MAPT: variants seen among roughly 807,000 people sequenced by gnomAD.
The protein encoded by MAPT is microtubule associated protein tau.
MAPT carries 34 observed loss-of-function variants against 67.9 expected under a neutral mutation model. The ratio of observed to expected loss-of-function variants is 0.50; its 90% confidence interval spans 0.38 to 0.67. The LOEUF (loss-of-function observed/expected upper bound fraction) is 0.67. Ranked by LOEUF, MAPT falls within the 30% of genes least tolerant of loss-of-function variation. The pLI is 0.00. For missense variants in MAPT, 881 were observed against 1,115.2 expected (o/e 0.79, Z 2.99); for synonymous variants, 456 against 464.5 (o/e 0.98, Z 0.23).
At chr17:45,956,591 TATATATATA>T (rs1568231080) in intron 1 of MAPT, among the ~76,000 whole-genome samples, 3 of 25,216 alleles carry the variant, frequency 1.2e-4, no homozygotes, top group African/African-American at 3.7e-4. Flanking sequence ...TATATATATA[TATATATATA>T]TTTTTTATTA....
At chr17:45,933,245 C>CCTTTT (rs373615340) in intron 1 of MAPT, among the ~76,000 whole-genome samples, 2 of 139,210 alleles carry the variant, frequency 1.4e-5, no homozygotes, top group Non-Finnish European at 3.1e-5. Flanking sequence ...CTCTCTCTCC[C>CCTTTT]TTTTTTTTTT....
At chr17:46,021,313 G>A (rs1423897976) in intron 12 of MAPT, among the ~76,000 whole-genome samples, 1 of 152,220 alleles carries the variant, frequency 6.6e-6, no homozygotes, top group Admixed American at 6.5e-5. Context: ...CCAGGAGGCT[G>A]TCCGCCTCAA....
rs545438311 is a variant in MAPT, at chr17:45,902,356, C to G, written c.-18+7670C>G. Among the ~76,000 whole-genome samples, 15 of 152,154 alleles carry G rather than the reference C, an allele frequency of 9.9e-5. No individual in the cohort carries two copies. In the South Asian group the frequency reaches 3.1e-3, roughly 32 times the overall value. ...AAGTGCTGGGATTACAGGTGTGAGC[C>G]ACCGCGCCCGGCCAGCTTGCACCTT... On this transcript the variant is annotated intron_variant, in intron 1 of 12. Transcript: ENST00000262410.
chr17:45,988,232 G>A lies in MAPT; in HGVS notation c.1407+1137G>A, dbSNP rs1377629606. Among the ~76,000 whole-genome samples, 3 of 152,198 alleles carry A rather than the reference G, an allele frequency of 2.0e-5. No homozygotes were observed. In the East Asian group the frequency reaches 5.8e-4, roughly 29 times the overall value. ...CTTACCAAGCCTGACCACACAGAGGGCCTTGGCCGCTTCCATGGGGAATTG... is the reference window on the plus strand; with the variant it reads ...CTTACCAAGCCTGACCACACAGAGGACCTTGGCCGCTTCCATGGGGAATTG... On this transcript the variant is annotated intron_variant, in intron 6 of 12. Coordinates refer to ENST00000262410, the MANE Select transcript of MAPT (RefSeq NM_001377265.1).
At position 45,962,454 on chromosome 17, in the gene MAPT, G is replaced by A. The variant is rs63750529; in HGVS notation, c.117G>A (p.Thr39=). ...YTMHQDQEGD[T]DAGLKESPLQ... ...TGCACCAAGACCAAGAGGGTGACAC[G>A]GACGCTGGCCTGAAAGGTTAGTGGA... Residue 39 remains threonine (T), a synonymous_variant, in exon 2 of 13, where the codon ACG becomes ACA. Coordinates refer to ENST00000262410, the MANE Select transcript of MAPT (RefSeq NM_001377265.1). 9.3e-4 allele frequency: 1,498 copies of A among 1,612,716 alleles called. 11 individuals carry two copies. Among genetic ancestry groups the A allele is most frequent in the South Asian group, 3.7e-4 (34 of 90,940 alleles).
At chr17:45,918,968 GGA>G (rs2065437461) in intron 1 of MAPT, among the ~76,000 whole-genome samples, 1 of 151,786 alleles carries the variant, frequency 6.6e-6, no homozygotes, top group Non-Finnish European at 1.5e-5. Context: ...AGGCTGAGGT[GGA>G]AGAATTGCTT....
intron 1 of MAPT, among the ~76,000 whole-genome samples, chr17:45,942,801 A>G (rs913525366): frequency 5.9e-5 from 9 of 152,238 alleles, no homozygotes; most frequent in Admixed American, 5.9e-4. Context: ...GGTTCTGAAC[A>G]CTTGACATGT....
At position 45,996,682 on chromosome 17, in the gene MAPT, C is replaced by T. The variant is rs769218427; in HGVS notation, c.1998+18C>T. The T allele has an allele frequency of 2.5e-5, 40 of 1,611,734 alleles. No individual in the cohort carries two copies. Among genetic ancestry groups the T allele is most frequent in the Non-Finnish European group, 3.1e-5 (37 of 1,179,030 alleles). The stretch of plus-strand genomic sequence containing the variant: ...GCGGGAAGGTGAGAGTGGCTGGCTG[C>T]GCGTGGAGGTGTGGGGGGCTGCGCC... On this transcript the variant is annotated intron_variant, in intron 9 of 12. Transcript: ENST00000262410. This position sits in a 1 kb window ranked among gnomAD's most constrained non-coding sequence, Gnocchi z 4.5.
chr17:45,921,964 C>T (rs1176140935), intron 1 of MAPT, among the ~76,000 whole-genome samples: 2 of 152,166 alleles, frequency 1.3e-5, no homozygotes, highest in African/African-American at 2.4e-5. Context: ...CACAGATTCT[C>T]CCTGAGGCGC....
chr17:45,903,512 G>A (rs2063756310), intron 1 of MAPT, among the ~76,000 whole-genome samples: 1 of 151,446 alleles, frequency 6.6e-6, no homozygotes, highest in South Asian at 2.1e-4. Context: ...GAGGTTAGGA[G>A]ATTGAGACCA....
chr17:45,918,430 G>A (rs2065393285), intron 1 of MAPT, among the ~76,000 whole-genome samples: 1 of 152,134 alleles, frequency 6.6e-6, no homozygotes, highest in Non-Finnish European at 1.5e-5. Context: ...TGTGACCTTG[G>A]GTAAGTAGCT....
At chr17:45,943,720 A>T (rs1018239033) in intron 1 of MAPT, among the ~76,000 whole-genome samples, 5 of 152,114 alleles carry the variant, frequency 3.3e-5, no homozygotes, top group African/African-American at 1.2e-4. Context: ...TTCAGTGCAG[A>T]AAGTGCCAGG....
chr17:45,944,800 G>C (rs1287940917), intron 1 of MAPT, among the ~76,000 whole-genome samples: 7 of 152,134 alleles, frequency 4.6e-5, no homozygotes, highest in Non-Finnish European at 2.9e-5. Context: ...AGCACCCGGA[G>C]GTGCTGCTGA....
chr17:46,008,084 A>G (rs1370240268), intron 9 of MAPT, among the ~76,000 whole-genome samples: 4 of 152,186 alleles, frequency 2.6e-5, no homozygotes, highest in Non-Finnish European at 4.4e-5. Flanking sequence ...TTAGGATATG[A>G]TATCACTTCT....
intron 1 of MAPT, among the ~76,000 whole-genome samples, chr17:45,947,003 T>A (rs1220583005): frequency 6.6e-6 from 1 of 152,228 alleles, no homozygotes; most frequent in Non-Finnish European, 1.5e-5. Context: ...AGTTTCTTCT[T>A]GCCAGCATGA....
chr17:45,904,341 T>TATATTATATATATTAA, intron 1 of MAPT, among the ~76,000 whole-genome samples: 1 of 81,940 alleles, frequency 1.2e-5, no homozygotes, highest in South Asian at 2.7e-4. Context: ...ATATATTATA[T>TATATTATATATATTAA]ATATATTATA....
At position 45,962,323 on chromosome 17, in the gene MAPT, G is replaced by A; in HGVS notation, c.-15G>A. ...ATCCTCTCCTCTTCTTTCCCCAGGTGAACTTTGAACCAGGATGGCTGAGCC... is the reference window on the plus strand; with the variant it reads ...ATCCTCTCCTCTTCTTTCCCCAGGTAAACTTTGAACCAGGATGGCTGAGCC... On this transcript the variant is annotated splice_region_variant and 5_prime_UTR_variant, in exon 2 of 13. Transcript: ENST00000262410. 1 of 1,611,676 alleles carries A rather than the reference G, an allele frequency of 6.2e-7. No individual in the cohort carries two copies. The highest frequency in any genetic ancestry group is 8.5e-7 in the Non-Finnish European group (1 of 1,179,668).
rs116031613 is a variant in MAPT, at chr17:45,956,066, C to T, written c.-17-6255C>T. Among the ~76,000 whole-genome samples the T allele has an allele frequency of 3.8e-3, 582 of 152,264 alleles. 5 individuals carry two copies. The highest frequency in any genetic ancestry group is 0.013 in the African/African-American group (557 of 41,536). On this transcript the variant is annotated intron_variant, in intron 1 of 12. Transcript: ENST00000262410. The stretch of plus-strand genomic sequence containing the variant: ...CCATTTAAATGTATGCCTAATTTGC[C>T]CATTGAGAACGGCTGAGACGCATTT...
chr17:45,918,522 A>G (rs928205716), intron 1 of MAPT, among the ~76,000 whole-genome samples: 1 of 152,214 alleles, frequency 6.6e-6, no homozygotes. Flanking sequence ...TGTATAAAGC[A>G]GAGCGCACAG....
Sources: allele counts gnomAD v4.1 joint callset (sites outside exome capture counted in the v4.1 genomes callset), GRCh38; gene constraint gnomAD v4.1.1; non-coding constraint Gnocchi (gnomAD v3.1); transcripts MANE v1.5; gene names NCBI Gene and HGNC (gene_info 2026-07-23, HGNC 2026-07-21).